Variants in AKR1E2 observed in about 807,000 individuals in gnomAD.
AKR1E2 encodes the protein aldo-keto reductase family 1 member E2.
Under a neutral mutation model 41.9 loss-of-function variants are expected in AKR1E2, and 43 were observed. The observed-to-expected ratio is 1.03, with a 90% CI of 0.80 to 1.32. AKR1E2 has a LOEUF of 1.32. Among genes scored for constraint, AKR1E2 ranks in the 40% most tolerant of loss-of-function variants. AKR1E2 has a pLI of 0.00. For missense variants in AKR1E2, 423 were observed against 396.5 expected, an observed-to-expected ratio of 1.07 and a Z score of -0.57; for synonymous variants, 121 against 138.9, an observed-to-expected ratio of 0.87 and a Z score of 0.91.
In AKR1E2 at chr10:4,830,737, C is replaced by T. The variant is rs867771855; in HGVS notation, c.102C>T (p.Phe34=). The T allele has an allele frequency of 6.8e-6, 11 of 1,614,046 alleles. No individual in the cohort carries two copies. In the Middle Eastern group the frequency reaches 8.2e-4, roughly 121 times the overall value. Residue 34 remains phenylalanine (F), a synonymous_variant, in exon 2 of 10, where the codon TTC becomes TTT. Coordinates refer to ENST00000298375, the MANE Select transcript of AKR1E2 (RefSeq NM_001040177.3). ...KEAIDAGYRH[F]DCAYFYHNER... ...CCATTGACGCAGGGTACCGGCACTT[C>T]GACTGTGCTTACTTTTACCACAATG... is the stretch of plus-strand genomic sequence containing the variant.
Position 4,827,953 on chromosome 10 carries a change from T to A in AKR1E2, c.39+1590T>A, listed in dbSNP as rs183212710. On this transcript the variant is annotated intron_variant, in intron 1 of 9. Transcript: ENST00000298375. ...ATTAGTGAAAACTGTGCTTAACAGG[T>A]CAAAATATTCTATTTATTTTTCTTG... Among the ~76,000 whole-genome samples the A allele has an allele frequency of 4.6e-5, 7 of 151,974 alleles. No homozygotes were observed. In the East Asian group the frequency reaches 1.4e-3, roughly 30 times the overall value.
chr10:4,827,762 CGTTTT>C lies in AKR1E2; in HGVS notation c.39+1403_39+1407del, dbSNP rs1832662364. On this transcript the variant is annotated intron_variant, in intron 1 of 9. Transcript: ENST00000298375. ...ACCAACTCTTAGAGGCTAGGAGTGT[CGTTTT>C]GTTCATATTGGTTCTCAGCATCTAG... is the stretch of plus-strand genomic sequence containing the variant. Among the ~76,000 whole-genome samples the C allele has an allele frequency of 3.3e-5, 5 of 152,218 alleles. No homozygotes were observed. In the South Asian group the frequency reaches 1.0e-3, roughly 32 times the overall value.
chr10:4,844,807 T>C (rs1420316820), intron 8 of AKR1E2, among the ~76,000 whole-genome samples: 1 of 152,080 alleles, frequency 6.6e-6, no homozygotes, highest in Non-Finnish European at 1.5e-5. Context: ...TAGCTAGACA[T>C]AAAGGTTTTC....
chr10:4,833,988 T>A (rs1833190802), intron 3 of AKR1E2, among the ~76,000 whole-genome samples: 1 of 152,234 alleles, frequency 6.6e-6, no homozygotes, highest in Admixed American at 6.5e-5. Context: ...GGAGCATGCA[T>A]CTGAGCCATG....
the AKR1E2 span, among the ~76,000 whole-genome samples, chr10:4,862,099 G>A: frequency 5.3e-5 from 8 of 152,112 alleles, no homozygotes; most frequent in African/African-American, 1.7e-4. Flanking sequence ...TCTTGAATTA[G>A]TTTTTGTATA....
chr10:4,842,285 A>G lies in AKR1E2; in HGVS notation c.754-136A>G, dbSNP rs1659881952. ...TACCAACATATTGACAGAGCTGCTC[A>G]GTGAATGCCAGTAACAATAGCTGCT... is the stretch of plus-strand genomic sequence containing the variant. On this transcript the variant is annotated intron_variant, in intron 7 of 9. Transcript: ENST00000298375. 4.3e-6 allele frequency: 3 copies of G among 701,306 alleles called. No individual in the cohort carries two copies. In the Admixed American group the frequency reaches 7.1e-5, roughly 17 times the overall value. 43.4% of individuals were successfully genotyped at this position (701,306 alleles called of 1,614,324 possible). A position where few individuals can be genotyped will look rare whatever the true frequency, so the allele number is the denominator to read the frequency against.
At position 4,830,721 on chromosome 10, in the gene AKR1E2, CA is replaced by C; in HGVS notation, c.87del (p.Tyr31ThrfsTer29). On this transcript the variant is annotated frameshift_variant, in exon 2 of 10. Coordinates refer to ENST00000298375, the MANE Select transcript of AKR1E2 (RefSeq NM_001040177.3). LOFTEE classifies it high-confidence loss of function. ...GAGGCAGTGAAAGAGGCCATTGACG[CA>C]GGGTACCGGCACTTCGACTGTGCTT... ...VTEAVKEAID[A>X]GYRHFDCAYF... is the part of the protein sequence containing the mutation. 6.2e-7 allele frequency: 1 copy of C among 1,614,138 alleles called. No individual in the cohort carries two copies. Among genetic ancestry groups the C allele is most frequent in the Non-Finnish European group, 8.5e-7 (1 of 1,180,018 alleles).
Position 4,826,378 on chromosome 10 carries a change from G to T in AKR1E2, c.39+15G>T. On this transcript the variant is annotated intron_variant, in intron 1 of 9. Coordinates refer to ENST00000298375, the MANE Select transcript of AKR1E2 (RefSeq NM_001040177.3). ...GCTCCTGGAAGGTGACGCGGTCGCG[G>T]GCAGGGAGGCGCGCCTGACCTAGGG... is the stretch of plus-strand genomic sequence containing the variant. 1 of 1,233,600 alleles carries T rather than the reference G, an allele frequency of 8.1e-7. No individual in the cohort carries two copies. 76.4% of individuals were successfully genotyped at this position (1,233,600 alleles called of 1,614,324 possible). A position where few individuals can be genotyped will look rare whatever the true frequency, so the allele number is the denominator to read the frequency against.
At chr10:4,842,376 T>C in intron 7 of AKR1E2, 45 bp from the exon 8 acceptor site, 2 of 1,556,876 alleles carry the variant, frequency 1.3e-6, no homozygotes, top group Non-Finnish European at 1.8e-6. Flanking sequence ...TTAGACTACA[T>C]GGGATTTCCC....
downstream of AKR1E2, among the ~76,000 whole-genome samples, chr10:4,850,096 A>G (rs936959374): frequency 6.6e-6 from 1 of 152,080 alleles, no homozygotes; most frequent in Admixed American, 6.5e-5. Flanking sequence ...TTGTCTGTTC[A>G]TTCTGAGTGG....
At chr10:4,826,524 C>T (rs1487539012) in intron 1 of AKR1E2, among the ~76,000 whole-genome samples, 161 bp downstream of exon 1, 2 of 152,210 alleles carry the variant, frequency 1.3e-5, no homozygotes, top group Admixed American at 6.5e-5. Flanking sequence ...GCCCACCGCC[C>T]ACAAGCAGCC....
chr10:4,867,640 G>T, the AKR1E2 span, among the ~76,000 whole-genome samples: 1 of 152,206 alleles, frequency 6.6e-6, no homozygotes, highest in South Asian at 2.1e-4. Context: ...TTTCATTGCT[G>T]AGTAGGATTG....
At chr10:4,850,733 A>G (rs1401765038), downstream of AKR1E2, among the ~76,000 whole-genome samples, 1 of 152,020 alleles carries the variant, frequency 6.6e-6, no homozygotes, top group Non-Finnish European at 1.5e-5. Flanking sequence ...GGCCATTTGT[A>G]TGTCTTTGGT....
At chr10:4,842,309 C>T in intron 7 of AKR1E2, 112 bp from the exon 8 acceptor site, 1 of 872,398 alleles carries the variant, frequency 1.1e-6, no homozygotes, top group Non-Finnish European at 1.8e-6. Flanking sequence ...ACAATAGCTG[C>T]TGTCATTGAT....
chr10:4,849,248 A>G (rs1834477740), downstream of AKR1E2, among the ~76,000 whole-genome samples: 1 of 152,222 alleles, frequency 6.6e-6, no homozygotes, highest in Non-Finnish European at 1.5e-5. Context: ...TGACCTTCCT[A>G]CGATCAGGCC....
chr10:4,827,726 C>T (rs1360829329), intron 1 of AKR1E2, among the ~76,000 whole-genome samples: 1 of 152,176 alleles, frequency 6.6e-6, no homozygotes, highest in Admixed American at 6.5e-5. Flanking sequence ...AATTATTTCT[C>T]TTACCTGCTT....
At chr10:4,854,884 C>G in the AKR1E2 span, among the ~76,000 whole-genome samples, 2 of 152,112 alleles carry the variant, frequency 1.3e-5, no homozygotes, top group African/African-American at 4.8e-5. Context: ...AAGTCTCTTT[C>G]GGCTAAGAAT....
chr10:4,845,304 C>T (rs1191861759), intron 8 of AKR1E2, among the ~76,000 whole-genome samples: 2 of 152,236 alleles, frequency 1.3e-5, no homozygotes, highest in African/African-American at 2.4e-5. Flanking sequence ...TCTCCCTCCA[C>T]ACCTCCCCGC....
At chr10:4,866,645 G>GT in the AKR1E2 span, among the ~76,000 whole-genome samples, 286 of 119,206 alleles carry the variant, frequency 2.4e-3, 3 homozygotes, top group African/African-American at 5.1e-3. Context: ...TTTTGTTTTT[G>GT]TTTTTTTTTT....
Sources: allele counts gnomAD v4.1 joint callset (sites outside exome capture counted in the v4.1 genomes callset), GRCh38; gene constraint gnomAD v4.1.1; transcripts MANE v1.5; gene names NCBI Gene and HGNC (gene_info 2026-07-23, HGNC 2026-07-21).